Variants in MUC17 observed in about 807,000 individuals in gnomAD.
MUC17 encodes the protein mucin 17, cell surface associated.
A neutral mutation model predicts 170.3 loss-of-function variants in MUC17; 190 were observed. That is an observed-to-expected ratio of 1.12 (90% confidence interval 0.99 to 1.26). The LOEUF (loss-of-function observed/expected upper bound fraction) is 1.26, where lower values mean the gene tolerates loss of function less well. MUC17 is among the 50% of genes most tolerant of loss of function. MUC17 has a pLI of 0.00. For missense variants in MUC17, 6,415 were observed against 5,530.0 expected, an observed-to-expected ratio of 1.16 and a Z score of -5.08; for synonymous variants, 2,325 against 2,002.5, an observed-to-expected ratio of 1.16 and a Z score of -4.30.
In MUC17 at chr7:101,037,022, T is replaced by C. The variant is rs1488811907; in HGVS notation, c.5606T>C (p.Leu1869Ser). Residue 1869 changes from leucine (L) to serine (S), a missense_variant, in exon 3 of 13, where the codon TTA (leucine) becomes TCA (serine). Coordinates refer to ENST00000306151, the MANE Select transcript of MUC17 (RefSeq NM_001040105.2). ...TSTPSEGSTA[L>S]TSIPVSTTTV... is the part of the protein sequence containing the mutation. ...ACGCCTAGTGAAGGAAGCACTGCAT[T>C]AACAAGTATACCTGTCAGCACCACA... is the stretch of plus-strand genomic sequence containing the variant. 7.6e-6 allele frequency: 12 copies of C among 1,583,636 alleles called. No homozygotes were observed. Among genetic ancestry groups the C allele is most frequent in the Non-Finnish European group, 1.0e-5 (12 of 1,178,944 alleles).
intron 3 of MUC17, among the ~76,000 whole-genome samples, chr7:101,044,650 A>G (rs982465408): frequency 8.5e-5 from 13 of 152,068 alleles, no homozygotes; most frequent in Admixed American, 2.6e-4. Flanking sequence ...TCTCTTTTGT[A>G]TTCTGCAGGT....
chr7:101,026,123 T>C (rs1794174765), intron 1 of MUC17, among the ~76,000 whole-genome samples: 1 of 152,180 alleles, frequency 6.6e-6, no homozygotes, highest in South Asian at 2.1e-4. Context: ...CAAAGCTTTT[T>C]TACTTCCCTC....
At position 101,032,170 on chromosome 7, in the gene MUC17, C is replaced by T. The variant is rs368840848; in HGVS notation, c.754C>T (p.Gln252Ter). ...CAGCACACCTGTGACCATTTCTGCT[C>T]AAGCCAGTTCATCTCCTACAACTGC... is the stretch of plus-strand genomic sequence containing the variant. ...EISTPVTISA[Q>*]ASSSPTTAEG... The change falls in exon 3 of 13, where the codon CAA (glutamine) becomes TAA (stop). Residue 252 changes from glutamine to a stop codon, truncating the protein, a stop_gained. Transcript: ENST00000306151. LOFTEE classifies it high-confidence loss of function. 42 of 1,613,734 alleles carry T rather than the reference C, an allele frequency of 2.6e-5. No homozygotes were observed. The highest frequency in any genetic ancestry group is 1.6e-4 in the Middle Eastern group (1 of 6,082).
Position 101,040,015 on chromosome 7 carries a change from G to C in MUC17, c.8599G>C (p.Gly2867Arg). The C allele has an allele frequency of 6.2e-7, 1 of 1,611,090 alleles. No individual in the cohort carries two copies. The highest frequency in any genetic ancestry group is 8.5e-7 in the Non-Finnish European group (1 of 1,179,262). The change falls in exon 3 of 13, where the codon GGA (glycine) becomes CGA (arginine). Residue 2867 changes from glycine to arginine, a missense_variant. By Grantham distance (125) the Gly-to-Arg change is moderately radical. Transcript: ENST00000306151. ...CGTGCCAATCTCAACTGCTAGTGAA[G>C]GAAGTACTCTATTAACAAGTATACC... ...IVVPISTASE[G>R]STLLTSIPVS...
chr7:101,026,363 A>G (rs1794178845), intron 1 of MUC17, among the ~76,000 whole-genome samples: 1 of 152,164 alleles, frequency 6.6e-6, no homozygotes, highest in Non-Finnish European at 1.5e-5. Context: ...GAATCCATGA[A>G]GCCTCGTTGG....
At chr7:101,052,234 G>A (rs572390699) in intron 9 of MUC17, among the ~76,000 whole-genome samples, 12 of 152,156 alleles carry the variant, frequency 7.9e-5, no homozygotes, top group Non-Finnish European at 2.9e-5. Flanking sequence ...AAGGTTGTCC[G>A]ACTGAGGGAA....
intron 9 of MUC17, among the ~76,000 whole-genome samples, chr7:101,052,238 G>C (rs1166719101): frequency 6.6e-6 from 1 of 152,196 alleles, no homozygotes; most frequent in Non-Finnish European, 1.5e-5. Context: ...TTGTCCGACT[G>C]AGGGAACAGA....
rs1794593393 is a variant in MUC17, at chr7:101,039,050, C to T, written c.7634C>T (p.Pro2545Leu). 1 of 1,611,978 alleles carries T rather than the reference C, an allele frequency of 6.2e-7. No homozygotes were observed. The highest frequency in any genetic ancestry group is 1.3e-5 in the African/African-American group (1 of 74,250). ...LSTTPVDSNS[P>L]VVTSTEISSS... Reference sequence around the variant, plus strand: ...ACAACTCCTGTTGACTCCAACAGTCCTGTGGTCACTTCTACTGAAATCAGT... The same window carrying T: ...ACAACTCCTGTTGACTCCAACAGTCTTGTGGTCACTTCTACTGAAATCAGT... Residue 2545 changes from proline to leucine, a missense_variant, in exon 3 of 13, where the codon CCT (proline) becomes CTT (leucine). Coordinates refer to ENST00000306151, the MANE Select transcript of MUC17 (RefSeq NM_001040105.2).
rs1351328345 is a variant in MUC17 at position 101,042,734 on chromosome 7, C to A, written c.11318C>A (p.Thr3773Asn). 11 of 1,613,902 alleles carry A rather than the reference C, an allele frequency of 6.8e-6. No homozygotes were observed. Among genetic ancestry groups the A allele is most frequent in the Non-Finnish European group, 9.3e-6 (11 of 1,180,010 alleles). ...GTTACGAGGTTTCCTGAGAGTAGCA[C>A]CCCTTCCATACCATCTGTTTACACC... is the stretch of plus-strand genomic sequence containing the variant. Reference protein sequence around the residue: ...TPVTRFPESSTPSIPSVYTSM... With the variant: ...TPVTRFPESSNPSIPSVYTSM... Residue 3773 changes from threonine (T) to asparagine (N), a missense_variant, in exon 3 of 13, where the codon ACC (threonine) becomes AAC (asparagine). Coordinates refer to ENST00000306151, the MANE Select transcript of MUC17 (RefSeq NM_001040105.2).
Position 101,035,053 on chromosome 7 carries a change from ACTC to A in MUC17, c.3640_3642del (p.Pro1214del), listed in dbSNP as rs1476564411. On this transcript the variant is annotated inframe_deletion, in exon 3 of 13. Coordinates refer to ENST00000306151, the MANE Select transcript of MUC17 (RefSeq NM_001040105.2). ...TGAAGTTACCAGCATGCCAACCTCAACTCCTGGAGAAAGAAGCACTCCATTAAC... is the reference window on the plus strand; with the variant it reads ...TGAAGTTACCAGCATGCCAACCTCAACTGGAGAAAGAAGCACTCCATTAAC... 4 of 1,613,226 alleles carry A rather than the reference ACTC, an allele frequency of 2.5e-6. No individual in the cohort carries two copies. Among genetic ancestry groups the A allele is most frequent in the Non-Finnish European group, 3.4e-6 (4 of 1,179,798 alleles).
intron 1 of MUC17, among the ~76,000 whole-genome samples, chr7:101,021,381 T>C (rs1794078802): frequency 1.3e-5 from 2 of 151,882 alleles, no homozygotes; most frequent in South Asian, 4.2e-4. Context: ...AAGGACAGGG[T>C]TTCACCATGT....
In MUC17 at chr7:101,032,635, A is replaced by G. The variant is rs759101637; in HGVS notation, c.1219A>G (p.Ser407Gly). 4 of 1,613,268 alleles carry G rather than the reference A, an allele frequency of 2.5e-6. No homozygotes were observed. The highest frequency in any genetic ancestry group is 4.5e-5 in the East Asian group (2 of 44,844). Residue 407 changes from serine to glycine, a missense_variant, in exon 3 of 13, where the codon AGT becomes GGT. Transcript: ENST00000306151. Reference sequence around the variant, plus strand: ...GCCTGTCAGCACCATATTGGTGGCCAGTTCTGAGGCTAGCACCACTTCAAC... The same window carrying G: ...GCCTGTCAGCACCATATTGGTGGCCGGTTCTGAGGCTAGCACCACTTCAAC... ...NMPVSTILVA[S>G]SEASTTSTIP...
chr7:101,046,511 C>A (rs1562821171), intron 3 of MUC17, among the ~76,000 whole-genome samples: 1 of 152,200 alleles, frequency 6.6e-6, no homozygotes, highest in Admixed American at 6.5e-5. Flanking sequence ...CATGATGGCT[C>A]ATACCTGTAA....
Position 101,049,362 on chromosome 7 carries a change from G to A in MUC17, c.12702G>A (p.Gly4234=), listed in dbSNP as rs1794896849. 5 of 1,613,434 alleles carry A rather than the reference G, an allele frequency of 3.1e-6. No homozygotes were observed. The East Asian group carries it at 6.7e-5, about 22-fold the overall frequency. ...ATTCCGGGATCCCTGAGTATGTCGG[G>A]GTGAACATCACAAAGCTACGGTAAG... is the stretch of plus-strand genomic sequence containing the variant. ...IVYSGIPEYV[G]VNITKLRLGS... The change falls in exon 6 of 13, where the codon GGG becomes GGA. Residue 4234 remains glycine (G), a synonymous_variant. Coordinates refer to ENST00000306151, the MANE Select transcript of MUC17 (RefSeq NM_001040105.2).
Position 101,033,269 on chromosome 7 carries a change from G to A in MUC17, c.1853G>A (p.Ser618Asn). Residue 618 changes from serine (S) to asparagine (N), a missense_variant, in exon 3 of 13, where the codon AGC becomes AAC. By Grantham distance (46) the Ser-to-Asn change is conservative (BLOSUM62 1). Transcript: ENST00000306151. ...SSSSTTAEGT[S>N]MPTSTYSERG... ...TCTTCTACAACTGCTGAAGGTACCA[G>A]CATGCCAACCTCAACTTACAGTGAA... is the stretch of plus-strand genomic sequence containing the variant. The A allele has an allele frequency of 1.2e-6, 2 of 1,614,054 alleles. No homozygotes were observed. The highest frequency in any genetic ancestry group is 1.7e-6 in the Non-Finnish European group (2 of 1,180,026).
intron 1 of MUC17, among the ~76,000 whole-genome samples, chr7:101,029,896 A>G (rs4385402): frequency 0.18 from 27,525 of 151,622 alleles, 3,151 homozygotes; most frequent in African/African-American, 0.31. Flanking sequence ...ACCGTGCCCG[A>G]CCTCTTTTAG....
rs766124492 is a variant in MUC17, at chr7:101,041,461, A to G, written c.10045A>G (p.Thr3349Ala). Residue 3349 changes from threonine (T) to alanine (A), a missense_variant, in exon 3 of 13, where the codon ACC becomes GCC. Physicochemically the swap from Thr to Ala is moderately conservative, Grantham distance 58. Coordinates refer to ENST00000306151, the MANE Select transcript of MUC17 (RefSeq NM_001040105.2). ...TCCACTAACAAATATGTCTTTCAGCACCACGCCAGTGGTCAGTTCTGAGGC... is the reference window on the plus strand; with the variant it reads ...TCCACTAACAAATATGTCTTTCAGCGCCACGCCAGTGGTCAGTTCTGAGGC... ...STPLTNMSFS[T>A]TPVVSSEAST... 1 of 1,614,060 alleles carries G rather than the reference A, an allele frequency of 6.2e-7. No homozygotes were observed. Among genetic ancestry groups the G allele is most frequent in the South Asian group, 1.1e-5 (1 of 91,068 alleles).
chr7:101,040,263 A>C lies in MUC17; in HGVS notation c.8847A>C (p.Ser2949=). The change falls in exon 3 of 13, where the codon TCA becomes TCC. Residue 2949 remains serine, a synonymous_variant. Coordinates refer to ENST00000306151, the MANE Select transcript of MUC17 (RefSeq NM_001040105.2). The stretch of plus-strand genomic sequence containing the variant: ...CCGGTTCTGAGGCTAGCACCCTTTC[A>C]ACAACTCCTGTTGACACCAGGACAC... ...PVAGSEASTL[S]TTPVDTRTPV... is the part of the protein sequence containing the mutation. 1 of 1,610,552 alleles carries C rather than the reference A, an allele frequency of 6.2e-7. No homozygotes were observed. Among genetic ancestry groups the C allele is most frequent in the Admixed American group, 1.7e-5 (1 of 59,460 alleles).
rs763741130 is a variant in MUC17, at chr7:101,039,481, GA to G, written c.8068del (p.Arg2690GlufsTer5). 3 of 1,611,164 alleles carry G rather than the reference GA, an allele frequency of 1.9e-6. No homozygotes were observed. Among genetic ancestry groups the G allele is most frequent in the Non-Finnish European group, 2.5e-6 (3 of 1,178,818 alleles). On this transcript the variant is annotated frameshift_variant, in exon 3 of 13. Transcript: ENST00000306151. LOFTEE classifies it high-confidence loss of function. ...GSSMPTSTPG[E>X]RSTPLTNILV... ...CAGCATGCCAACCTCAACTCCTGGT[GA>G]AAGAAGCACTCCATTAACAAATATA...
Sources: allele counts gnomAD v4.1 joint callset (sites outside exome capture counted in the v4.1 genomes callset), GRCh38; gene constraint gnomAD v4.1.1; transcripts MANE v1.5; gene names NCBI Gene and HGNC (gene_info 2026-07-23, HGNC 2026-07-21).